The following IL1RAPL1 variants were observed in gnomAD, a reference collection of about 807,000 sequenced individuals.
IL1RAPL1 encodes the protein interleukin 1 receptor accessory protein like 1, also known as interleukin-1 receptor accessory protein-like 1.
In IL1RAPL1, 3 loss-of-function variants were observed where a neutral mutation model predicts 48.4. The observed-to-expected ratio is 0.06, with a 90% CI of 0.03 to 0.16. The LOEUF is 0.16. IL1RAPL1 is among the 10% of genes least tolerant of loss of function. IL1RAPL1 has a pLI of 1.00. For synonymous variants in IL1RAPL1, 185 were observed against 187.7 expected, an observed-to-expected ratio of 0.99 and a Z score of 0.12; for missense variants, 349 against 530.6, an observed-to-expected ratio of 0.66 and a Z score of 3.36.
chrX:29,172,228 G>A (rs1201168958), intron 2 of IL1RAPL1, among the ~76,000 whole-genome samples: 2 of 111,652 alleles, frequency 1.8e-5, no homozygotes, highest in African/African-American at 3.2e-5. Context: ...GAATTTGTTC[G>A]TGAAAGCAAT....
At chrX:29,082,972 A>G (rs1348838899) in intron 2 of IL1RAPL1, among the ~76,000 whole-genome samples, 1 of 111,928 alleles carries the variant, frequency 8.9e-6, no homozygotes, top group Non-Finnish European at 1.9e-5. Flanking sequence ...AAAGTTAGCA[A>G]TTAAGCCATT....
intron 2 of IL1RAPL1, among the ~76,000 whole-genome samples, chrX:28,932,802 TC>T (rs1923920939): frequency 9.1e-6 from 1 of 110,323 alleles, no homozygotes; most frequent in Non-Finnish European, 1.9e-5. Flanking sequence ...AAAAGAAAAC[TC>T]AGTCCCTAAA....
chrX:29,578,687 C>T (rs1463035867), intron 5 of IL1RAPL1, among the ~76,000 whole-genome samples: 1 of 111,588 alleles, frequency 9.0e-6, no homozygotes, highest in African/African-American at 3.3e-5. Context: ...TCAAGAATTT[C>T]TTACTGTCTT....
At chrX:28,612,590 T>C (rs183881202) in intron 1 of IL1RAPL1, among the ~76,000 whole-genome samples, 1 of 111,748 alleles carries the variant, frequency 8.9e-6, no homozygotes, top group African/African-American at 3.2e-5. Flanking sequence ...ATGAGGGTGA[T>C]ATTGTTAAGG....
chrX:29,501,877 G>A (rs1935279560), intron 5 of IL1RAPL1, among the ~76,000 whole-genome samples: 1 of 106,189 alleles, frequency 9.4e-6, no homozygotes, highest in African/African-American at 3.5e-5. Context: ...TATTTTGATA[G>A]GGATTACATT....
chrX:29,785,174 G>T (rs1043327281), intron 6 of IL1RAPL1, among the ~76,000 whole-genome samples: 1 of 111,942 alleles, frequency 8.9e-6, no homozygotes, highest in African/African-American at 3.2e-5. Context: ...AACTTCCAAC[G>T]AAATTATTTT....
At chrX:28,731,150 C>G (rs754953397) in intron 1 of IL1RAPL1, among the ~76,000 whole-genome samples, 1 of 111,854 alleles carries the variant, frequency 8.9e-6, no homozygotes, top group African/African-American at 3.2e-5. Context: ...ATTACTATGT[C>G]AAATATACTC....
At chrX:29,677,886 AG>A (rs1414714327) in intron 6 of IL1RAPL1, among the ~76,000 whole-genome samples, 15 of 112,088 alleles carry the variant, frequency 1.3e-4, no homozygotes, top group African/African-American at 4.9e-4. Context: ...TATTTTCATA[AG>A]GGATATGCTT....
chrX:29,081,002 C>T (rs190915049), intron 2 of IL1RAPL1, among the ~76,000 whole-genome samples: 4,488 of 56,850 alleles, frequency 0.079, 257 homozygotes, highest in East Asian at 0.14. Context: ...CTTTCTCTCT[C>T]TCTCTCTCTC....
At chrX:28,601,254 A>G (rs1361614093) in intron 1 of IL1RAPL1, among the ~76,000 whole-genome samples, 1 of 110,897 alleles carries the variant, frequency 9.0e-6, no homozygotes, top group Non-Finnish European at 1.9e-5. Flanking sequence ...CCCTGTCTTT[A>G]CTAAAAAAAT....
At chrX:29,699,288 G>A (rs1209801418) in intron 6 of IL1RAPL1, among the ~76,000 whole-genome samples, 1 of 112,129 alleles carries the variant, frequency 8.9e-6, no homozygotes, top group Non-Finnish European at 1.9e-5. Context: ...ATTTTGCTTT[G>A]TTATTTTAAT....
intron 1 of IL1RAPL1, among the ~76,000 whole-genome samples, chrX:28,751,440 T>G (rs942619469): frequency 8.9e-5 from 10 of 111,744 alleles, no homozygotes; most frequent in African/African-American, 3.2e-4. Flanking sequence ...TCCGAAAAAT[T>G]TCCAAATATT....
chrX:29,729,305 C>T (rs777453977), intron 6 of IL1RAPL1, among the ~76,000 whole-genome samples: 4 of 111,219 alleles, frequency 3.6e-5, no homozygotes, highest in African/African-American at 6.5e-5. Context: ...GACCTGGTGG[C>T]TTAATATTCC....
intron 3 of IL1RAPL1, among the ~76,000 whole-genome samples, chrX:29,381,832 AAATATATATAT>A (rs1335254169): frequency 3.1e-4 from 9 of 29,329 alleles, no homozygotes; most frequent in African/African-American, 7.7e-4. Flanking sequence ...AAAAAAAAAA[AAATATATATAT>A]ATATATATAT....
chrX:29,950,801 C>T (rs1307047758), intron 9 of IL1RAPL1, among the ~76,000 whole-genome samples: 1 of 109,341 alleles, frequency 9.1e-6, no homozygotes, highest in East Asian at 2.9e-4. Context: ...CTCAGCCTCC[C>T]GAGTAGCTGG....
At chrX:29,509,269 T>G (rs1478783967) in intron 5 of IL1RAPL1, among the ~76,000 whole-genome samples, 2 of 112,125 alleles carry the variant, frequency 1.8e-5, no homozygotes, top group East Asian at 5.6e-4. Context: ...GCTCTGCTCT[T>G]AAGCCCTTTT....
At position 29,888,471 on chromosome X, in the gene IL1RAPL1, G is replaced by A. The variant is rs559330068; in HGVS notation, c.779-28993G>A. Among the ~76,000 whole-genome samples, 12 of 110,517 alleles carry A rather than the reference G, an allele frequency of 1.1e-4. No homozygotes were observed. The South Asian group carries it at 1.9e-3, about 18-fold the overall frequency. On this transcript the variant is annotated intron_variant, in intron 6 of 10. Transcript: ENST00000378993. ...ACTCCTGACCTCAGGTGATTCTCCC[G>A]CCTCAGCCTCCCAAAGTGCTGGGGT...
chrX:29,695,804 A>G (rs1047319699), intron 6 of IL1RAPL1, among the ~76,000 whole-genome samples: 2 of 111,285 alleles, frequency 1.8e-5, no homozygotes, highest in Non-Finnish European at 3.8e-5. Context: ...CTCCTCAGCA[A>G]TGGGGTACCG....
chrX:29,871,625 A>G (rs1705946549), intron 6 of IL1RAPL1, among the ~76,000 whole-genome samples: 1 of 112,403 alleles, frequency 8.9e-6, no homozygotes, highest in South Asian at 3.7e-4. Flanking sequence ...AAGCTTTCCT[A>G]TTTATGATTC....
Sources: allele counts gnomAD v4.1 joint callset (sites outside exome capture counted in the v4.1 genomes callset), GRCh38; gene constraint gnomAD v4.1.1; transcripts MANE v1.5; gene names NCBI Gene and HGNC (gene_info 2026-07-23, HGNC 2026-07-21).